PPP2R2B: variants seen among roughly 807,000 people sequenced by gnomAD.
The protein encoded by PPP2R2B is serine/threonine-protein phosphatase 2A 55 kDa regulatory subunit B beta isoform.
PPP2R2B carries 5 observed loss-of-function variants against 46.0 expected under a neutral mutation model. The ratio of observed to expected loss-of-function variants is 0.11; its 90% confidence interval spans 0.06 to 0.23. PPP2R2B has a LOEUF of 0.23. PPP2R2B is among the 10% of genes least tolerant of loss of function. PPP2R2B has a pLI of 1.00. For missense variants in PPP2R2B, 367 were observed against 575.0 expected (o/e 0.64, Z 3.70); for synonymous variants, 215 against 206.7 (o/e 1.04, Z -0.34).
chr5:146,886,295 C>A (rs576122823), intron 1 of PPP2R2B, among the ~76,000 whole-genome samples: 1 of 151,088 alleles, frequency 6.6e-6, no homozygotes. Flanking sequence ...GCCGAGACTG[C>A]GCCACAGCAC....
chr5:146,604,652 T>C (rs1772091084), intron 7 of PPP2R2B, among the ~76,000 whole-genome samples: 1 of 152,212 alleles, frequency 6.6e-6, no homozygotes, highest in South Asian at 2.1e-4. Flanking sequence ...TACCACTTCT[T>C]GGTCCTCAAG....
In PPP2R2B at chr5:146,587,647, C is replaced by G. The variant is rs578052630; in HGVS notation, c.*2300G>C. 1 of 152,158 alleles carries G rather than the reference C, an allele frequency of 6.6e-6. No homozygotes were observed. Among genetic ancestry groups the G allele is most frequent in the Non-Finnish European group, 1.5e-5 (1 of 68,020 alleles). 9.4% of individuals were successfully genotyped at this position (152,158 alleles called of 1,614,324 possible). A position where few individuals can be genotyped will look rare whatever the true frequency, so the allele number is the denominator to read the frequency against. ...TAAATCTTCTGTCATATCAGTTACT[C>G]AGGGTCCCAAAGTTTGATACACATG... On this transcript the variant is annotated 3_prime_UTR_variant, in exon 10 of 10. Coordinates refer to ENST00000394411, the MANE Select transcript of PPP2R2B (RefSeq NM_181675.4).
At chr5:146,650,783 G>A (rs994222238) in intron 5 of PPP2R2B, 59 bp from the exon 6 acceptor site, 7 of 1,481,512 alleles carry the variant, frequency 4.7e-6, no homozygotes, top group Non-Finnish European at 5.5e-6. Flanking sequence ...GGAAAAGAGT[G>A]TGCATGCTAA....
intron 2 of PPP2R2B, among the ~76,000 whole-genome samples, chr5:146,867,440 T>G (rs1195052269): frequency 6.6e-6 from 1 of 152,232 alleles, no homozygotes; most frequent in African/African-American, 2.4e-5. Context: ...TGCCTTAACT[T>G]TTCAAGTTTA....
At chr5:146,919,449 C>A (rs1763513787) in intron 1 of PPP2R2B, 1 of 152,176 alleles carries the variant, frequency 6.6e-6, no homozygotes, top group Admixed American at 6.5e-5. Flanking sequence ...AACAGGCAAC[C>A]TATAGCTACA....
At chr5:146,686,129 G>A (rs1012627841) in intron 5 of PPP2R2B, among the ~76,000 whole-genome samples, 10 of 152,148 alleles carry the variant, frequency 6.6e-5, no homozygotes, top group African/African-American at 1.9e-4. Flanking sequence ...TCTAAAACAC[G>A]GTTTCCATTT....
At chr5:146,640,885 C>T (rs1211264571) in intron 6 of PPP2R2B, among the ~76,000 whole-genome samples, 1 of 152,214 alleles carries the variant, frequency 6.6e-6, no homozygotes, top group Non-Finnish European at 1.5e-5. Flanking sequence ...TGGATCTTTC[C>T]TTCCTTCACT....
chr5:146,659,216 T>G (rs2151105604), intron 5 of PPP2R2B, among the ~76,000 whole-genome samples: 1 of 152,346 alleles, frequency 6.6e-6, no homozygotes. Flanking sequence ...AACCAAAAGA[T>G]GATATAAAAG....
intron 1 of PPP2R2B, among the ~76,000 whole-genome samples, chr5:146,913,940 C>A (rs1763282364): frequency 1.3e-5 from 2 of 152,242 alleles, no homozygotes; most frequent in African/African-American, 4.8e-5. Context: ...TTCTGGCCAA[C>A]CCAACTTCAA....
chr5:146,873,094 C>G (rs1015987804), intron 2 of PPP2R2B, among the ~76,000 whole-genome samples: 2 of 152,228 alleles, frequency 1.3e-5, no homozygotes, highest in Non-Finnish European at 2.9e-5. Context: ...TCAAACTAAT[C>G]AGTTTTCAGT....
intron 2 of PPP2R2B, among the ~76,000 whole-genome samples, chr5:146,791,464 G>T (rs1756199703): frequency 6.6e-6 from 1 of 151,862 alleles, no homozygotes; most frequent in African/African-American, 2.4e-5. Flanking sequence ...GAGCTAATCG[G>T]CATATTCCCT....
intron 2 of PPP2R2B, among the ~76,000 whole-genome samples, chr5:146,844,914 A>G (rs1240549419): frequency 2.0e-5 from 3 of 152,158 alleles, no homozygotes; most frequent in Non-Finnish European, 4.4e-5. Flanking sequence ...CCTAATCAAG[A>G]AGCCCCTTCC....
At chr5:146,921,577 T>C (rs1763610347) in intron 1 of PPP2R2B, among the ~76,000 whole-genome samples, 1 of 152,222 alleles carries the variant, frequency 6.6e-6, no homozygotes, top group Non-Finnish European at 1.5e-5. Context: ...ACTCAAAAGA[T>C]GTCACCTAAA....
chr5:146,984,320 C>T (rs1753321921), intron 1 of PPP2R2B, among the ~76,000 whole-genome samples: 1 of 152,142 alleles, frequency 6.6e-6, no homozygotes. Flanking sequence ...TCTTAGATTC[C>T]ACATGTAAGT....
At chr5:146,954,806 T>C (rs1166220027) in intron 1 of PPP2R2B, among the ~76,000 whole-genome samples, 1 of 147,888 alleles carries the variant, frequency 6.8e-6, no homozygotes, top group South Asian at 2.1e-4. Context: ...GAGGGTATAG[T>C]GGCAATGATA....
chr5:146,928,167 C>T (rs1763844783), intron 1 of PPP2R2B, among the ~76,000 whole-genome samples: 1 of 152,170 alleles, frequency 6.6e-6, no homozygotes, highest in South Asian at 2.1e-4. Context: ...TCAAGCTCAG[C>T]TCCTGTGACA....
At chr5:146,965,431 G>T (rs1202376912) in intron 1 of PPP2R2B, among the ~76,000 whole-genome samples, 1 of 152,164 alleles carries the variant, frequency 6.6e-6, no homozygotes, top group Non-Finnish European at 1.5e-5. Flanking sequence ...AGTGGTTCAG[G>T]TGAACTGCAG....
chr5:146,918,965 C>T (rs1052063265), intron 1 of PPP2R2B, among the ~76,000 whole-genome samples: 1 of 152,230 alleles, frequency 6.6e-6, no homozygotes, highest in African/African-American at 2.4e-5. Flanking sequence ...TACTAATTCA[C>T]AGTTGTTTCA....
chr5:146,928,354 C>G (rs187193729), intron 1 of PPP2R2B, among the ~76,000 whole-genome samples: 1 of 151,988 alleles, frequency 6.6e-6, no homozygotes, highest in East Asian at 2.0e-4. Flanking sequence ...CTAAAGGACA[C>G]CTCTAAGTCA....
Sources: gnomAD v4.1 joint callset for allele counts (sites outside exome capture counted in the v4.1 genomes callset) on GRCh38, gnomAD v4.1.1 for gene constraint, MANE v1.5 for transcripts, NCBI Gene and HGNC (gene_info 2026-07-23, HGNC 2026-07-21) for gene names.